KPNA7: variants seen among roughly 807,000 people sequenced by gnomAD.
KPNA7 encodes importin subunit alpha-8.
In KPNA7, 54 loss-of-function variants were observed where a neutral mutation model predicts 53.7. That is an observed-to-expected ratio of 1.01 (90% CI 0.81 to 1.26). The LOEUF is 1.26. Among genes scored for constraint, KPNA7 ranks in the 50% most tolerant of loss-of-function variants. KPNA7 has a pLI of 0.00. For missense variants in KPNA7, 640 were observed against 644.5 expected (o/e 0.99, Z 0.07); for synonymous variants, 276 against 259.3 (o/e 1.06, Z -0.62).
intron 3 of KPNA7, among the ~76,000 whole-genome samples, chr7:99,201,672 A>AAAAAAAG: frequency 6.6e-6 from 1 of 151,304 alleles, no homozygotes; most frequent in Non-Finnish European, 1.5e-5. Flanking sequence ...CAAAAAAAAA[A>AAAAAAAG]AGCTAATATG....
At chr7:99,204,513 G>T (rs12705037) in intron 2 of KPNA7, among the ~76,000 whole-genome samples, 12,051 of 152,168 alleles carry the variant, frequency 0.079, 505 homozygotes, top group South Asian at 0.15. Context: ...GACATTTCAG[G>T]AACAATTATA....
rs1584296868 is a variant in KPNA7 at position 99,195,134 on chromosome 7, C to T, written c.489G>A (p.Glu163=). 1.3e-6 allele frequency: 2 copies of T among 1,551,614 alleles called. No homozygotes were observed. Among genetic ancestry groups the T allele is most frequent in the Admixed American group, 2.0e-5 (1 of 50,964 alleles). The change falls in exon 5 of 11, where the codon GAG becomes GAA. Residue 163 remains glutamate, a synonymous_variant. Coordinates refer to ENST00000327442, the MANE Select transcript of KPNA7 (RefSeq NM_001145715.3). The part of the protein sequence containing the change: ...VEGGAIQPLI[E]LLSSSNVAVC... ...CAGCCACGTTGGAGGAAGACAGGAG[C>T]TCAATCAAGGGCTGGATGGCTCCCC...
the KPNA7 span, among the ~76,000 whole-genome samples, chr7:99,166,401 G>GC: frequency 6.6e-6 from 1 of 152,106 alleles, no homozygotes; most frequent in African/African-American, 2.4e-5. Context: ...CTGCAACCCT[G>GC]CCCCCCACGT....
chr7:99,173,657 A>T lies in KPNA7; in HGVS notation c.*51T>A. Reference sequence around the variant, plus strand: ...AAGATAGAGGACTGCTGCTTCTTAAAGAAGTTATCCTTTAGCACTGGGTTG... The same window carrying T: ...AAGATAGAGGACTGCTGCTTCTTAATGAAGTTATCCTTTAGCACTGGGTTG... On this transcript the variant is annotated 3_prime_UTR_variant, in exon 11 of 11. Coordinates refer to ENST00000327442, the MANE Select transcript of KPNA7 (RefSeq NM_001145715.3). 1 of 1,188,320 alleles carries T rather than the reference A, an allele frequency of 8.4e-7. No individual in the cohort carries two copies. The allele number at this position is 1,188,320 out of a possible 1,614,324, so 73.6% of individuals were successfully genotyped here.
chr7:99,184,942 G>T lies in KPNA7; in HGVS notation c.1121C>A (p.Ala374Asp). The part of the protein sequence containing the change: ...LAYDVLPPLV[A>D]LLKNGEFKVQ... The stretch of plus-strand genomic sequence containing the variant: ...TGCGCCACTTACGTTTTTTAGCAGA[G>T]CCACCAAGGGAGGCAAGACGTCGTA... The change falls in exon 8 of 11, where the codon GCT becomes GAT. Residue 374 changes from alanine (A) to aspartate (D), a missense_variant. By Grantham distance (126) the Ala-to-Asp change is moderately radical (BLOSUM62 -2). Transcript: ENST00000327442. 1 of 1,552,040 alleles carries T rather than the reference G, an allele frequency of 6.4e-7. No homozygotes were observed.
the KPNA7 span, among the ~76,000 whole-genome samples, chr7:99,152,612 C>G: frequency 1.3e-5 from 2 of 152,116 alleles, no homozygotes; most frequent in Non-Finnish European, 2.9e-5. Flanking sequence ...AGGAACCTTA[C>G]CAATTTAAAT....
At chr7:99,200,226 C>A (rs778411097) in intron 3 of KPNA7, among the ~76,000 whole-genome samples, 1 of 152,088 alleles carries the variant, frequency 6.6e-6, no homozygotes, top group Non-Finnish European at 1.5e-5. Flanking sequence ...TTCGTAGAGA[C>A]GCGGTTTCAC....
chr7:99,217,508 A>G (rs1392814724), intron 1 of KPNA7, among the ~76,000 whole-genome samples: 3 of 151,942 alleles, frequency 2.0e-5, no homozygotes, highest in Non-Finnish European at 4.4e-5. Context: ...GCATTGGTCC[A>G]CAAGCTGAGG....
rs563339923 is a variant in KPNA7 at position 99,213,216 on chromosome 7, T to C, written c.-23-5727A>G. On this transcript the variant is annotated intron_variant, in intron 1 of 10. Transcript: ENST00000681060. The stretch of plus-strand genomic sequence containing the variant: ...ATCCCAGCTCACTGCAACCTCCGCC[T>C]CCCGGGTTCAAGTGATTCTCCTGTC... Among the ~76,000 whole-genome samples, 29 of 149,682 alleles carry C rather than the reference T, an allele frequency of 1.9e-4. 1 individual carries two copies. The highest frequency in any genetic ancestry group is 3.3e-4 in the Non-Finnish European group (22 of 67,614).
intron 9 of KPNA7, among the ~76,000 whole-genome samples, chr7:99,178,289 GC>G (rs1370521705): frequency 4.6e-5 from 7 of 152,084 alleles, no homozygotes; most frequent in African/African-American, 1.7e-4. Context: ...TAAATATAGG[GC>G]CGGGCGCAGT....
Position 99,206,423 on chromosome 7 carries a change from C to T in KPNA7, c.66+978G>A, listed in dbSNP as rs137993516. On this transcript the variant is annotated intron_variant, in intron 2 of 10. Coordinates refer to ENST00000327442, the MANE Select transcript of KPNA7 (RefSeq NM_001145715.3). ...GTGATCACTTTGGCCTCCCAAAGTG[C>T]TGGAATTACAGGTGTGAGCCATCAT... 4.0e-3 allele frequency among the ~76,000 whole-genome samples: 611 copies of T among 152,160 alleles called. 3 individuals are homozygous for T. Among genetic ancestry groups the T allele is most frequent in the Non-Finnish European group, 5.3e-3 (360 of 68,008 alleles).
chr7:99,195,531 A>G (rs75828967), intron 4 of KPNA7, among the ~76,000 whole-genome samples, 193 bp from the exon 5 acceptor site: 12,948 of 152,046 alleles, frequency 0.085, 577 homozygotes, highest in South Asian at 0.15. Flanking sequence ...ACCCCGTCCC[A>G]TCTCTACTAA....
In KPNA7 at chr7:99,180,503, GTC is replaced by G. The variant is rs149529881; in HGVS notation, c.1317+1378_1317+1379del. ...CAGAGCAGAGATCCTATCTCTGTCT[GTC>G]TCTCTCTCTCTGTGTCTCTATCTCT... On this transcript the variant is annotated intron_variant, in intron 9 of 10. Transcript: ENST00000327442. Among the ~76,000 whole-genome samples the G allele has an allele frequency of 8.2e-5, 12 of 146,688 alleles. No individual in the cohort carries two copies. The South Asian group carries it at 8.9e-4, about 11-fold the overall frequency.
At chr7:99,199,065 G>GAAAAAAAAA (rs67877761) in intron 3 of KPNA7, among the ~76,000 whole-genome samples, 26 of 61,086 alleles carry the variant, frequency 4.3e-4, no homozygotes, top group African/African-American at 7.4e-4. Context: ...GCTGCAAACT[G>GAAAAAAAAA]AAAAAAAAAA....
intron 1 of KPNA7, among the ~76,000 whole-genome samples, chr7:99,217,741 CT>C (rs1791250276): frequency 1.3e-5 from 2 of 150,202 alleles, no homozygotes; most frequent in South Asian, 4.2e-4. Flanking sequence ...AGCAATTCTC[CT>C]CCCTCAGCCT....
rs369700638 is a variant in KPNA7 at position 99,188,390 on chromosome 7, G to A, written c.810C>T (p.Asp270=). ...CTTGGCCGATGCGCTTGTTGGAGCC[G>A]TCGGTGAGGTAGGACAGTGCCCAGC... ...DACWALSYLT[D]GSNKRIGQVV... is the part of the protein sequence containing the mutation. Residue 270 remains aspartate, a synonymous_variant, in exon 7 of 11, where the codon GAC becomes GAT. Coordinates refer to ENST00000327442, the MANE Select transcript of KPNA7 (RefSeq NM_001145715.3). 19 of 1,551,488 alleles carry A rather than the reference G, an allele frequency of 1.2e-5. No homozygotes were observed. The highest frequency in any genetic ancestry group is 4.1e-5 in the African/African-American group (3 of 73,002).
intron 1 of KPNA7, among the ~76,000 whole-genome samples, chr7:99,219,321 T>C (rs1370288134): frequency 6.6e-6 from 1 of 152,134 alleles, no homozygotes; most frequent in Non-Finnish European, 1.5e-5. Context: ...TTCTGGACGT[T>C]TAAGGCTCCT....
At chr7:99,191,292 G>A (rs1389552111) in intron 6 of KPNA7, among the ~76,000 whole-genome samples, 1 of 151,876 alleles carries the variant, frequency 6.6e-6, no homozygotes, top group Non-Finnish European at 1.5e-5. Context: ...TGAGTAGCTG[G>A]GAGTACAGGT....
At chr7:99,176,633 G>A (rs904761399) in intron 10 of KPNA7, among the ~76,000 whole-genome samples, 1 of 152,192 alleles carries the variant, frequency 6.6e-6, no homozygotes, top group African/African-American at 2.4e-5. Flanking sequence ...CCGGCACTTT[G>A]GGAGGCCGAG....
Sources: gnomAD v4.1 joint callset for allele counts (sites outside exome capture counted in the v4.1 genomes callset) on GRCh38, gnomAD v4.1.1 for gene constraint, MANE v1.5 for transcripts, NCBI Gene and HGNC (gene_info 2026-07-23, HGNC 2026-07-21) for gene names.